Variants in RNF13 observed in about 807,000 individuals in gnomAD.
RNF13 encodes the protein ring finger protein 13, also known as E3 ubiquitin-protein ligase RNF13.
Under a neutral mutation model 37.7 loss-of-function variants are expected in RNF13, and 19 were observed. That is an observed-to-expected ratio of 0.50 (90% CI 0.35 to 0.74). RNF13 has a LOEUF of 0.74. RNF13 is among the 30% of genes least tolerant of loss of function. The probability of loss-of-function intolerance (pLI) is 0.01; values close to 1 mark genes in which losing one functional copy is unlikely to be tolerated. For synonymous variants in RNF13, 144 were observed against 157.8 expected (o/e 0.91, Z 0.65); for missense variants, 375 against 453.0 (o/e 0.83, Z 1.56).
chr3:149,843,513 C>T (rs945161427), intron 1 of RNF13, among the ~76,000 whole-genome samples: 2 of 152,090 alleles, frequency 1.3e-5, no homozygotes, highest in Non-Finnish European at 2.9e-5. Context: ...TTAAAAAAGG[C>T]AATAAATGCA....
At position 149,845,919 on chromosome 3, in the gene RNF13, G is replaced by T; in HGVS notation, c.-16-92G>T. 7 of 622,446 alleles carry T rather than the reference G, an allele frequency of 1.1e-5. 1 individual carries two copies. The South Asian group carries it at 1.5e-4, about 13-fold the overall frequency. 38.6% of individuals were successfully genotyped at this position (622,446 alleles called of 1,614,324 possible). On this transcript the variant is annotated intron_variant, in intron 1 of 9. Transcript: ENST00000392894. ...TTAATACATGTTTATAATTAAAAGG[G>T]ATATTTTTGGACATTGGGAATTAAT...
At chr3:149,885,343 A>G (rs1713903935) in intron 4 of RNF13, among the ~76,000 whole-genome samples, 2 of 152,118 alleles carry the variant, frequency 1.3e-5, no homozygotes, top group South Asian at 4.1e-4. Flanking sequence ...TTACATTCCT[A>G]CCAACAGTGT....
At chr3:149,906,177 C>A (rs779044744) in intron 6 of RNF13, among the ~76,000 whole-genome samples, 4 of 152,058 alleles carry the variant, frequency 2.6e-5, no homozygotes, top group Non-Finnish European at 4.4e-5. Context: ...CTTTTTATTG[C>A]TGAATAGCTT....
At position 149,872,063 on chromosome 3, in the gene RNF13, G is replaced by A. The variant is rs1712131595; in HGVS notation, c.230G>A (p.Cys77Tyr). 6.2e-7 allele frequency: 1 copy of A among 1,607,678 alleles called. No individual in the cohort carries two copies. Among genetic ancestry groups the A allele is most frequent in the Non-Finnish European group, 8.5e-7 (1 of 1,177,902 alleles). The part of the protein sequence containing the change: ...FLINSKPENA[C>Y]EPIVPPPVKD... The stretch of plus-strand genomic sequence containing the variant: ...ATTAACTCAAAACCAGAGAATGCCT[G>A]TGAACCCATAGTGCCTCCACCAGTA... The change falls in exon 4 of 10, where the codon TGT becomes TAT. Residue 77 changes from cysteine to tyrosine, a missense_variant. Cys to Tyr is a radical substitution (Grantham distance 194). Transcript: ENST00000392894.
chr3:149,834,775 A>G (rs997543875), intron 1 of RNF13, among the ~76,000 whole-genome samples: 1 of 152,206 alleles, frequency 6.6e-6, no homozygotes, highest in African/African-American at 2.4e-5. Context: ...CCAGATATAG[A>G]TGTTGGTACC....
chr3:149,954,991 A>C (rs1468004783), intron 8 of RNF13, among the ~76,000 whole-genome samples: 1 of 152,186 alleles, frequency 6.6e-6, no homozygotes, highest in African/African-American at 2.4e-5. Context: ...GTTTTCACTT[A>C]ACATCCCTCT....
chr3:149,857,968 A>G lies in RNF13; in HGVS notation c.195+5372A>G, dbSNP rs150175174. On this transcript the variant is annotated intron_variant, in intron 3 of 9. Transcript: ENST00000392894. ...TTTGGGTCATGGGGGCAGATCCCTC[A>G]TGAATTGCTTGATGCCATTCTCTCT... 3.1e-3 allele frequency among the ~76,000 whole-genome samples: 479 copies of G among 152,314 alleles called. 3 individuals are homozygous for G. Among genetic ancestry groups the G allele is most frequent in the African/African-American group, 0.011 (464 of 41,562 alleles).
At chr3:149,876,879 A>G (rs1249003343) in intron 4 of RNF13, among the ~76,000 whole-genome samples, 1 of 150,180 alleles carries the variant, frequency 6.7e-6, no homozygotes, top group East Asian at 2.0e-4. Context: ...CCCGGGTTCA[A>G]GCAATTCTCT....
chr3:149,905,266 ATT>A (rs1716273639), intron 6 of RNF13, among the ~76,000 whole-genome samples: 1 of 152,120 alleles, frequency 6.6e-6, no homozygotes. Flanking sequence ...AGATTTGCTT[ATT>A]TTTACTAATC....
At chr3:149,864,127 T>G (rs1724557765) in intron 3 of RNF13, among the ~76,000 whole-genome samples, 1 of 150,946 alleles carries the variant, frequency 6.6e-6, no homozygotes. Flanking sequence ...TGATCCCTAG[T>G]GTTGGAGGTA....
At chr3:149,868,858 A>T (rs896570817) in intron 3 of RNF13, among the ~76,000 whole-genome samples, 3 of 151,586 alleles carry the variant, frequency 2.0e-5, no homozygotes, top group Admixed American at 6.6e-5. Flanking sequence ...TTGTTCTCTG[A>T]CCTTCCTGTA....
chr3:149,903,985 A>G (rs561217771), intron 6 of RNF13, among the ~76,000 whole-genome samples: 1 of 151,876 alleles, frequency 6.6e-6, no homozygotes, highest in East Asian at 1.9e-4. Flanking sequence ...CTATCTACCT[A>G]CCTACCTACC....
chr3:149,840,926 T>C (rs926015178), intron 1 of RNF13, among the ~76,000 whole-genome samples: 3 of 152,226 alleles, frequency 2.0e-5, no homozygotes, highest in Non-Finnish European at 2.9e-5. Flanking sequence ...AATATATGGA[T>C]GTGTATCACC....
At chr3:149,851,318 A>G (rs1007878970) in intron 2 of RNF13, 6 of 152,306 alleles carry the variant, frequency 3.9e-5, no homozygotes, top group Non-Finnish European at 7.3e-5. Context: ...TAGATCCAAC[A>G]TTTGCTTGCT....
intron 3 of RNF13, among the ~76,000 whole-genome samples, chr3:149,855,075 G>T (rs1723511457): frequency 6.6e-6 from 1 of 152,162 alleles, no homozygotes; most frequent in South Asian, 2.1e-4. Flanking sequence ...TGCAGTCCCA[G>T]CACTTTGGGA....
intron 2 of RNF13, among the ~76,000 whole-genome samples, chr3:149,846,873 G>A (rs1229052925): frequency 6.6e-6 from 1 of 152,160 alleles, no homozygotes. Context: ...CCCAAGATTA[G>A]CATTAATGAA....
At chr3:149,937,413 A>C (rs1719809232) in intron 8 of RNF13, among the ~76,000 whole-genome samples, 1 of 152,156 alleles carries the variant, frequency 6.6e-6, no homozygotes, top group African/African-American at 2.4e-5. Context: ...TCATGGATAG[A>C]AAAGTCCATT....
At chr3:149,855,363 T>C (rs569681637) in intron 3 of RNF13, among the ~76,000 whole-genome samples, 2 of 151,470 alleles carry the variant, frequency 1.3e-5, no homozygotes, top group African/African-American at 4.9e-5. Context: ...TTGATTCCCC[T>C]ACTTCTTCTG....
At chr3:149,883,991 G>A (rs921665733) in intron 4 of RNF13, among the ~76,000 whole-genome samples, 2 of 152,126 alleles carry the variant, frequency 1.3e-5, no homozygotes, top group African/African-American at 2.4e-5. Context: ...CAAGGATAAC[G>A]GCATCCAGCT....
Sources: allele counts gnomAD v4.1 joint callset (sites outside exome capture counted in the v4.1 genomes callset), GRCh38; gene constraint gnomAD v4.1.1; transcripts MANE v1.5; gene names NCBI Gene and HGNC (gene_info 2026-07-23, HGNC 2026-07-21).